Variants in SSH2 observed in about 807,000 individuals in gnomAD.
SSH2 encodes protein phosphatase Slingshot homolog 2.
SSH2 carries 37 observed loss-of-function variants against 135.2 expected under a neutral mutation model. The observed-to-expected ratio is 0.27, with a 90% confidence interval of 0.21 to 0.36. The LOEUF (loss-of-function observed/expected upper bound fraction) is 0.36, where lower values mean the gene tolerates loss of function less well. Ranked by LOEUF, SSH2 falls within the 10% of genes least tolerant of loss-of-function variation. SSH2 has a pLI of 1.00. For synonymous variants in SSH2, 628 were observed against 646.2 expected (o/e 0.97, Z 0.43); for missense variants, 1,408 against 1,765.3 (o/e 0.80, Z 3.63).
At chr17:29,724,581 CT>C (rs560435177) in intron 3 of SSH2, among the ~76,000 whole-genome samples, 8,246 of 76,602 alleles carry the variant, frequency 0.11, 787 homozygotes, top group African/African-American at 0.38. Flanking sequence ...ATTACCAAAT[CT>C]TTTTTTTTTT....
chr17:29,675,356 T>C (rs1263207464), intron 8 of SSH2, among the ~76,000 whole-genome samples: 1 of 152,150 alleles, frequency 6.6e-6, no homozygotes. Flanking sequence ...ATTCTATCCA[T>C]TCCGCTCCCC....
intron 6 of SSH2, among the ~76,000 whole-genome samples, chr17:29,679,236 CA>C (rs2037863230): frequency 6.6e-6 from 1 of 152,052 alleles, no homozygotes; most frequent in Admixed American, 6.6e-5. Flanking sequence ...TGCTCCATGC[CA>C]ATCTATCTAG....
intron 15 of SSH2, among the ~76,000 whole-genome samples, chr17:29,634,558 TA>T (rs1450610104): frequency 2.0e-5 from 3 of 152,108 alleles, no homozygotes; most frequent in Admixed American, 1.3e-4. Context: ...TTATTATTAT[TA>T]TTATTATTTT....
intron 1 of SSH2, among the ~76,000 whole-genome samples, chr17:29,849,887 G>A (rs999374329): frequency 5.2e-4 from 74 of 142,170 alleles, no homozygotes; most frequent in South Asian, 1.8e-3. Flanking sequence ...TATATTAGCC[G>A]GGCATGGCAG....
chr17:29,782,857 A>T (rs1245313921), intron 3 of SSH2, among the ~76,000 whole-genome samples: 1 of 152,208 alleles, frequency 6.6e-6, no homozygotes, highest in East Asian at 1.9e-4. Flanking sequence ...AAGTGCTGTG[A>T]TTACAGGCAT....
At chr17:29,842,971 CT>C (rs929388894) in intron 2 of SSH2, among the ~76,000 whole-genome samples, 4 of 152,160 alleles carry the variant, frequency 2.6e-5, no homozygotes, top group African/African-American at 9.7e-5. Context: ...CCAAATTTCC[CT>C]TTTTCCCCCC....
intron 1 of SSH2, among the ~76,000 whole-genome samples, chr17:29,901,334 GTTAGA>G (rs1234223014): frequency 6.6e-6 from 1 of 152,012 alleles, no homozygotes; most frequent in Non-Finnish European, 1.5e-5. Context: ...TTACTTAAGA[GTTAGA>G]TTAGGATAAA....
intron 3 of SSH2, among the ~76,000 whole-genome samples, chr17:29,774,644 A>T (rs1428678731): frequency 6.6e-6 from 1 of 152,196 alleles, no homozygotes; most frequent in Non-Finnish European, 1.5e-5. Flanking sequence ...TGGAGAGTAG[A>T]GAAGTGGATA....
intron 1 of SSH2, among the ~76,000 whole-genome samples, chr17:29,861,799 C>T (rs755091027): frequency 7.2e-5 from 11 of 152,156 alleles, no homozygotes; most frequent in African/African-American, 1.7e-4. Context: ...CCTCATGATC[C>T]GCCCACCTGG....
At chr17:29,761,375 G>T (rs1422896656) in intron 3 of SSH2, 2 of 1,067,612 alleles carry the variant, frequency 1.9e-6, no homozygotes, top group Non-Finnish European at 2.3e-6. Flanking sequence ...AGGCGGGCCC[G>T]CCGGGTCGCG....
chr17:29,647,852 G>A (rs533064007), intron 14 of SSH2: 5 of 312,224 alleles, frequency 1.6e-5, no homozygotes, highest in South Asian at 3.1e-5. Context: ...AAGTAGAGAC[G>A]GGGTTTCACC....
intron 14 of SSH2, among the ~76,000 whole-genome samples, chr17:29,639,001 T>C (rs573841983): frequency 3.7e-4 from 56 of 152,286 alleles, no homozygotes; most frequent in Non-Finnish European, 2.2e-4. Flanking sequence ...GAAGAACTGA[T>C]GGTAAGCATT....
chr17:29,793,179 A>G (rs2042100744), intron 3 of SSH2, among the ~76,000 whole-genome samples: 1 of 151,992 alleles, frequency 6.6e-6, no homozygotes, highest in Non-Finnish European at 1.5e-5. Context: ...GATAAAATAA[A>G]TGTTATTTTA....
chr17:29,662,471 T>C (rs2151024580), intron 11 of SSH2, among the ~76,000 whole-genome samples: 1 of 152,346 alleles, frequency 6.6e-6, no homozygotes, highest in Admixed American at 6.5e-5. Flanking sequence ...AGCTGTTTAT[T>C]AACTTTTCCT....
intron 3 of SSH2, among the ~76,000 whole-genome samples, chr17:29,745,450 G>T (rs759608876): frequency 6.6e-6 from 1 of 152,140 alleles, no homozygotes; most frequent in African/African-American, 2.4e-5. Flanking sequence ...GTGAGCCACC[G>T]CACCCAGCTA....
chr17:29,800,977 T>A (rs1040509063), intron 2 of SSH2, among the ~76,000 whole-genome samples: 1 of 151,796 alleles, frequency 6.6e-6, no homozygotes, highest in African/African-American at 2.4e-5. Flanking sequence ...GCGATTCTCA[T>A]ACCTCAGCCT....
chr17:29,922,934 G>A (rs955536438), intron 1 of SSH2, among the ~76,000 whole-genome samples: 2 of 152,080 alleles, frequency 1.3e-5, no homozygotes, highest in Non-Finnish European at 2.9e-5. Context: ...TTTTTTTGAC[G>A]GAGTCATGCT....
At chr17:29,661,160 C>T (rs1393166905) in intron 11 of SSH2, among the ~76,000 whole-genome samples, 2 of 151,798 alleles carry the variant, frequency 1.3e-5, no homozygotes, top group African/African-American at 2.4e-5. Flanking sequence ...CTGCCCTCAT[C>T]ACTCTCGCTG....
Position 29,646,795 on chromosome 17 carries a change from G to A in SSH2, c.1427+1349C>T, listed in dbSNP as rs540807697. Among the ~76,000 whole-genome samples, 3 of 151,832 alleles carry A rather than the reference G, an allele frequency of 2.0e-5. No homozygotes were observed. In the South Asian group the frequency reaches 6.2e-4, roughly 32 times the overall value. ...TTATAGGTGTGAGCCACCACGCCCG[G>A]CCAAAATATTTTTTAAATAAGAAAG... On this transcript the variant is annotated intron_variant, in intron 14 of 15. Transcript: ENST00000540801.
Sources: gnomAD v4.1 joint callset for allele counts (sites outside exome capture counted in the v4.1 genomes callset) on GRCh38, gnomAD v4.1.1 for gene constraint, MANE v1.5 for transcripts, NCBI Gene and HGNC (gene_info 2026-07-23, HGNC 2026-07-21) for gene names.